MYO3B: variants seen among roughly 807,000 people sequenced by gnomAD.
The protein encoded by MYO3B is myosin IIIB, also known as myosin-IIIb.
Under a neutral mutation model 174.6 loss-of-function variants are expected in MYO3B, and 156 were observed. That is an observed-to-expected ratio of 0.89 (90% CI 0.78 to 1.02). MYO3B has a LOEUF of 1.02. MYO3B is among the 50% of genes least tolerant of loss of function. MYO3B has a pLI of 0.00. For missense variants in MYO3B, 1,632 were observed against 1,639.4 expected (o/e 1.00, Z 0.08); for synonymous variants, 563 against 569.1 (o/e 0.99, Z 0.15).
intron 6 of MYO3B, among the ~76,000 whole-genome samples, chr2:170,219,712 G>A (rs2092871519): frequency 2.0e-5 from 3 of 152,108 alleles, no homozygotes; most frequent in African/African-American, 7.2e-5. Context: ...GGGATAAGAT[G>A]CACTTGCAGG....
At chr2:170,288,284 G>T (rs1265204627) in intron 7 of MYO3B, among the ~76,000 whole-genome samples, 1 of 151,594 alleles carries the variant, frequency 6.6e-6, no homozygotes, top group Non-Finnish European at 1.5e-5. Context: ...TTCTAATAGG[G>T]ACTTCATTGA....
chr2:170,504,090 G>A (rs1025272645), intron 28 of MYO3B, among the ~76,000 whole-genome samples: 19 of 152,182 alleles, frequency 1.2e-4, no homozygotes, highest in African/African-American at 3.1e-4. Context: ...GCCTCTCTTC[G>A]TCCCACTAGG....
Position 170,372,118 on chromosome 2 carries a change from C to CAAAAAAAAAA in MYO3B, c.971+2759_971+2768dup, listed in dbSNP as rs769243145. 4.0e-3 allele frequency among the ~76,000 whole-genome samples: 88 copies of CAAAAAAAAAA among 22,180 alleles called. 8 individuals are homozygous for CAAAAAAAAAA. The highest frequency in any genetic ancestry group is 0.024 in the East Asian group (9 of 372). The allele number at this position is 22,180 out of a possible 152,430, so 14.6% of individuals were successfully genotyped here. On this transcript the variant is annotated intron_variant, in intron 9 of 34. Transcript: ENST00000408978. Reference sequence around the variant, plus strand: ...TGGGCAACAGAGTGAGACCCTGTCTCAAAAAAAAAAAAAAAAAAAAAAAAA... The same window carrying CAAAAAAAAAA: ...TGGGCAACAGAGTGAGACCCTGTCTCAAAAAAAAAAAAAAAAAAAAAAAAAAAAAAAAAAA...
chr2:170,509,946 A>C (rs986259261), intron 28 of MYO3B, among the ~76,000 whole-genome samples: 4 of 152,212 alleles, frequency 2.6e-5, no homozygotes, highest in African/African-American at 2.4e-5. Flanking sequence ...CCGGGAGTTC[A>C]AACCTCAACA....
chr2:170,386,976 C>G, intron 13 of MYO3B, 130 bp from the exon 14 acceptor site: 1 of 771,932 alleles, frequency 1.3e-6, no homozygotes, highest in Non-Finnish European at 2.1e-6. Flanking sequence ...GTGGTTGATG[C>G]TAACGTCCCC....
intron 7 of MYO3B, among the ~76,000 whole-genome samples, chr2:170,236,402 G>A (rs2093071031): frequency 6.6e-6 from 1 of 152,038 alleles, no homozygotes; most frequent in Non-Finnish European, 1.5e-5. Flanking sequence ...CTCATTTTTT[G>A]TACTTTGCAC....
rs1574528030 is a variant in MYO3B, at chr2:170,178,375, C to G, written c.2+86C>G. On this transcript the variant is annotated intron_variant, in intron 1 of 34. Transcript: ENST00000408978. ...CAAAGGGCAGATGCAGCTGCCCTGG[C>G]TGGTGGGCAGTGGAGGGGGATGACA... is the stretch of plus-strand genomic sequence containing the variant. 11 of 1,544,432 alleles carry G rather than the reference C, an allele frequency of 7.1e-6. No homozygotes were observed. The East Asian group carries it at 2.5e-4, about 35-fold the overall frequency.
intron 7 of MYO3B, among the ~76,000 whole-genome samples, chr2:170,315,731 G>T (rs1250940369): frequency 1.7e-4 from 26 of 152,190 alleles, no homozygotes; most frequent in Non-Finnish European, 3.4e-4. Flanking sequence ...TGTAATATAT[G>T]TACCATTGCT....
chr2:170,191,537 G>A (rs751055176), intron 1 of MYO3B, among the ~76,000 whole-genome samples: 33 of 152,100 alleles, frequency 2.2e-4, no homozygotes, highest in Non-Finnish European at 2.6e-4. Flanking sequence ...CCCCCGGCTA[G>A]GTTGTTCTAA....
intron 32 of MYO3B, among the ~76,000 whole-genome samples, chr2:170,551,814 G>A (rs1690941950): frequency 6.6e-6 from 1 of 152,154 alleles, no homozygotes; most frequent in Admixed American, 6.5e-5. Flanking sequence ...GGGACCTGGT[G>A]GGAGGTGATT....
chr2:170,225,522 C>T (rs1051757407), intron 6 of MYO3B, among the ~76,000 whole-genome samples: 5 of 152,034 alleles, frequency 3.3e-5, no homozygotes, highest in African/African-American at 9.7e-5. Flanking sequence ...AATTAATGCC[C>T]AAGAGAAGGA....
At chr2:170,509,270 T>C (rs1374116941) in intron 28 of MYO3B, among the ~76,000 whole-genome samples, 2 of 152,060 alleles carry the variant, frequency 1.3e-5, no homozygotes, top group African/African-American at 4.8e-5. Context: ...GCAGGGAGGA[T>C]TGCATGAACC....
chr2:170,558,253 A>ATCG (rs1365609605), intron 32 of MYO3B, among the ~76,000 whole-genome samples: 9 of 151,792 alleles, frequency 5.9e-5, no homozygotes, highest in African/African-American at 2.2e-4. Flanking sequence ...GTGAGCTGAG[A>ATCG]TCGTACCACT....
chr2:170,308,604 C>T, intron 7 of MYO3B, among the ~76,000 whole-genome samples: 1 of 152,114 alleles, frequency 6.6e-6, no homozygotes, highest in East Asian at 1.9e-4. Flanking sequence ...GCCTTTAAGT[C>T]CAATGGGGCT....
intron 32 of MYO3B, among the ~76,000 whole-genome samples, chr2:170,636,601 G>A (rs939426796): frequency 6.6e-6 from 1 of 151,984 alleles, no homozygotes; most frequent in Non-Finnish European, 1.5e-5. Context: ...GAGCGGCCAC[G>A]AGAGCTGGAA....
At chr2:170,416,434 G>A (rs1006246859) in intron 22 of MYO3B, among the ~76,000 whole-genome samples, 2 of 142,428 alleles carry the variant, frequency 1.4e-5, no homozygotes, top group South Asian at 2.5e-4. Flanking sequence ...TGAGGTAGGA[G>A]AATCACTTGA....
chr2:170,234,184 A>AC (rs2093044872), intron 6 of MYO3B, among the ~76,000 whole-genome samples: 2 of 115,642 alleles, frequency 1.7e-5, no homozygotes, highest in African/African-American at 4.3e-5. Flanking sequence ...AAAAAAAAAA[A>AC]AAACAAAACA....
chr2:170,401,420 G>C, intron 17 of MYO3B, 61 bp from the exon 18 acceptor site: 3 of 1,492,368 alleles, frequency 2.0e-6, no homozygotes, highest in South Asian at 2.3e-5. Flanking sequence ...AATAAATGCT[G>C]AACAGACTGA....
At chr2:170,598,645 G>A (rs114173731) in intron 32 of MYO3B, among the ~76,000 whole-genome samples, 1 of 152,142 alleles carries the variant, frequency 6.6e-6, no homozygotes, top group Non-Finnish European at 1.5e-5. Flanking sequence ...TCTACCTGCT[G>A]GTGAGGGATG....
Sources: gnomAD v4.1 joint callset for allele counts (sites outside exome capture counted in the v4.1 genomes callset) on GRCh38, gnomAD v4.1.1 for gene constraint, MANE v1.5 for transcripts, NCBI Gene and HGNC (gene_info 2026-07-23, HGNC 2026-07-21) for gene names.